The following MARCHF1 variants were observed in gnomAD, a reference collection of about 807,000 sequenced individuals.
MARCHF1 encodes membrane associated ring-CH-type finger 1, also known as E3 ubiquitin-protein ligase MARCHF1.
In MARCHF1, 40 loss-of-function variants were observed where a neutral mutation model predicts 54.2. The ratio of observed to expected loss-of-function variants is 0.74; its 90% confidence interval spans 0.57 to 0.96. MARCHF1 has a LOEUF of 0.96. Among genes scored for constraint, MARCHF1 ranks in the 40% least tolerant of loss-of-function variants. The pLI is 0.00. For synonymous variants in MARCHF1, 236 were observed against 236.3 expected (o/e 1.00, Z 0.01); for missense variants, 586 against 656.5 (o/e 0.89, Z 1.17).
intron 4 of MARCHF1, among the ~76,000 whole-genome samples, chr4:163,715,999 C>G (rs955547191): frequency 1.3e-5 from 2 of 152,034 alleles, no homozygotes; most frequent in African/African-American, 2.4e-5. Context: ...CAAGATAATG[C>G]AAGAAGATGG....
chr4:164,157,776 TC>T (rs1166637442), intron 1 of MARCHF1, among the ~76,000 whole-genome samples: 1 of 152,150 alleles, frequency 6.6e-6, no homozygotes, highest in Non-Finnish European at 1.5e-5. Context: ...CCCACTCTAT[TC>T]CACTATGACC....
intron 8 of MARCHF1, among the ~76,000 whole-genome samples, chr4:163,551,502 G>A (rs1353844318): frequency 6.6e-6 from 1 of 152,128 alleles, no homozygotes; most frequent in African/African-American, 2.4e-5. Flanking sequence ...ACTGATGATA[G>A]GGAGGAAACA....
chr4:164,174,759 T>G (rs947213569), intron 1 of MARCHF1, among the ~76,000 whole-genome samples: 9 of 152,240 alleles, frequency 5.9e-5, no homozygotes, highest in Admixed American at 1.3e-4. Flanking sequence ...GATAGTTGTA[T>G]AGCTGTGCCT....
chr4:163,578,276 G>C (rs1740103657), intron 8 of MARCHF1, among the ~76,000 whole-genome samples: 1 of 152,050 alleles, frequency 6.6e-6, no homozygotes, highest in South Asian at 2.1e-4. Context: ...TATTATATCT[G>C]TAATAGCAAC....
intron 4 of MARCHF1, among the ~76,000 whole-genome samples, chr4:163,797,238 G>A (rs557478794): frequency 6.6e-6 from 1 of 151,910 alleles, no homozygotes; most frequent in East Asian, 1.9e-4. Context: ...CAAGAAGTTG[G>A]TAGTCCTTTG....
intron 8 of MARCHF1, among the ~76,000 whole-genome samples, chr4:163,570,555 T>G (rs1029476730): frequency 6.6e-6 from 1 of 152,068 alleles, no homozygotes; most frequent in African/African-American, 2.4e-5. Context: ...ATCTAGATTC[T>G]TTCCACTGTA....
chr4:163,840,522 C>G (rs770322361), intron 4 of MARCHF1, among the ~76,000 whole-genome samples: 2 of 151,944 alleles, frequency 1.3e-5, no homozygotes, highest in Admixed American at 6.6e-5. Flanking sequence ...ATAGTTTAAC[C>G]TGATTTGAAG....
intron 1 of MARCHF1, among the ~76,000 whole-genome samples, chr4:164,361,834 A>G (rs1031483100): frequency 7.9e-5 from 12 of 152,140 alleles, no homozygotes; most frequent in African/African-American, 2.7e-4. Flanking sequence ...ACAACACTGT[A>G]CCATAATGGC....
At chr4:164,066,133 A>G (rs1754724589) in intron 2 of MARCHF1, among the ~76,000 whole-genome samples, 1 of 152,184 alleles carries the variant, frequency 6.6e-6, no homozygotes, top group Non-Finnish European at 1.5e-5. Flanking sequence ...TGCATCAAAC[A>G]AAGGTATAAT....
At chr4:163,983,192 A>G (rs187866562) in intron 3 of MARCHF1, among the ~76,000 whole-genome samples, 2 of 152,336 alleles carry the variant, frequency 1.3e-5, no homozygotes, top group Admixed American at 6.5e-5. Context: ...GCATGGCCAC[A>G]TGATCATTTT....
chr4:163,624,220 C>T (rs1031957998), intron 5 of MARCHF1, among the ~76,000 whole-genome samples: 3 of 152,116 alleles, frequency 2.0e-5, no homozygotes, highest in Admixed American at 6.6e-5. Context: ...AACTATCAAC[C>T]GAGAATGCTC....
rs145327235 is a variant in MARCHF1 at position 164,229,482 on chromosome 4, A to G, written c.-322-117820T>C. Among the ~76,000 whole-genome samples, 448 of 152,242 alleles carry G rather than the reference A, an allele frequency of 2.9e-3. 3 individuals are homozygous for G. Among genetic ancestry groups the G allele is most frequent in the African/African-American group, 0.01 (433 of 41,562 alleles). On this transcript the variant is annotated intron_variant, in intron 1 of 9. Coordinates refer to ENST00000514618, the MANE Select transcript of MARCHF1 (RefSeq NM_001394959.1). ...TGAGAGTGGTGTTTCTTGAAAAAGGAACTCCCAGACAGAGTTTGAAACAGG... is the reference window on the plus strand; with the variant it reads ...TGAGAGTGGTGTTTCTTGAAAAAGGGACTCCCAGACAGAGTTTGAAACAGG...
chr4:164,197,124 CTCT>C (rs747109119), intron 1 of MARCHF1: 3 of 1,606,352 alleles, frequency 1.9e-6, no homozygotes, highest in South Asian at 1.1e-5. Flanking sequence ...TCACGTCCTC[CTCT>C]TCACCTTCCT....
intron 1 of MARCHF1, among the ~76,000 whole-genome samples, chr4:164,340,577 C>T (rs1729893959): frequency 6.6e-6 from 1 of 151,164 alleles, no homozygotes; most frequent in African/African-American, 2.4e-5. Context: ...CCGCCCCACA[C>T]CATGCCTGCC....
chr4:163,754,201 G>C (rs1175468026), intron 4 of MARCHF1, among the ~76,000 whole-genome samples: 2 of 152,196 alleles, frequency 1.3e-5, no homozygotes, highest in East Asian at 3.9e-4. Flanking sequence ...ATTACTCTTG[G>C]TTCAAGCCGA....
chr4:163,848,769 C>T lies in MARCHF1; in HGVS notation c.111+5252G>A, dbSNP rs188707075. Among the ~76,000 whole-genome samples, 28 of 152,198 alleles carry T rather than the reference C, an allele frequency of 1.8e-4. No homozygotes were observed. In the East Asian group the frequency reaches 5.4e-3, roughly 29 times the overall value. ...TGCTTAATAAGCATAATCTTCCAAA[C>T]CCCTCAAGGTTATTATTCATTATGA... On this transcript the variant is annotated intron_variant, in intron 4 of 9. Transcript: ENST00000514618.
intron 3 of MARCHF1, among the ~76,000 whole-genome samples, chr4:163,955,004 G>C (rs1445036614): frequency 6.6e-6 from 1 of 151,828 alleles, no homozygotes; most frequent in African/African-American, 2.4e-5. Context: ...CCAGATTTTA[G>C]CAACATTCTT....
At chr4:163,796,313 G>A (rs1014797579) in intron 4 of MARCHF1, among the ~76,000 whole-genome samples, 1 of 132,254 alleles carries the variant, frequency 7.6e-6, no homozygotes, top group East Asian at 2.5e-4. Flanking sequence ...TGCAACCTCC[G>A]CCTCCCAGGT....
chr4:164,168,699 G>C (rs1367550), intron 1 of MARCHF1, among the ~76,000 whole-genome samples: 28,674 of 151,392 alleles, frequency 0.19, 4,364 homozygotes, highest in African/African-American at 0.41. Flanking sequence ...CAAACACATA[G>C]ACACTCCTAC....
Sources: allele counts gnomAD v4.1 joint callset (sites outside exome capture counted in the v4.1 genomes callset), GRCh38; gene constraint gnomAD v4.1.1; transcripts MANE v1.5; gene names NCBI Gene and HGNC (gene_info 2026-07-23, HGNC 2026-07-21).